Variants in HDAC8 observed in about 807,000 individuals in gnomAD.
HDAC8 encodes histone deacetylase 8, also known as histone deacetylase-like 1.
A neutral mutation model predicts 32.2 loss-of-function variants in HDAC8; 1 was observed. The ratio of observed to expected loss-of-function variants is 0.03; its 90% CI spans 0.01 to 0.15. The LOEUF is 0.15. Ranked by LOEUF, HDAC8 falls within the 10% of genes least tolerant of loss-of-function variation. The pLI is 1.00. For synonymous variants in HDAC8, 108 were observed against 113.9 expected (o/e 0.95, Z 0.33); for missense variants, 117 against 300.0 (o/e 0.39, Z 4.51).
At chrX:72,370,399 C>T (rs1167113255) in intron 9 of HDAC8, among the ~76,000 whole-genome samples, 1 of 111,677 alleles carries the variant, frequency 9.0e-6, no homozygotes, top group Non-Finnish European at 1.9e-5. Context: ...TTCATTCTGT[C>T]GCTCAGGCTG....
intron 9 of HDAC8, among the ~76,000 whole-genome samples, chrX:72,384,526 T>G (rs949113959): frequency 9.0e-6 from 1 of 111,340 alleles, no homozygotes; most frequent in Non-Finnish European, 1.9e-5. Context: ...GGTAAGAGGA[T>G]AGACTCTAGA....
intron 9 of HDAC8, among the ~76,000 whole-genome samples, chrX:72,455,623 A>G (rs1310729576): frequency 8.9e-6 from 1 of 112,464 alleles, no homozygotes; most frequent in Non-Finnish European, 1.9e-5. Flanking sequence ...TTTCTTGCCA[A>G]TGATAATATT....
At chrX:72,417,293 A>G (rs1286044532) in intron 9 of HDAC8, among the ~76,000 whole-genome samples, 1 of 111,522 alleles carries the variant, frequency 9.0e-6, no homozygotes, top group Admixed American at 9.6e-5. Flanking sequence ...AGATCAAACT[A>G]TCTCTGTTTG....
chrX:72,572,138 AG>A, intron 1 of HDAC8, 29 bp from the exon 2 acceptor site: 4 of 1,126,217 alleles, frequency 3.6e-6, no homozygotes, highest in African/African-American at 1.8e-5. Context: ...AAAAAAAAAA[AG>A]AAAAGCAGAA....
At chrX:72,360,460 T>C (rs2044516937) in intron 9 of HDAC8, among the ~76,000 whole-genome samples, 1 of 112,612 alleles carries the variant, frequency 8.9e-6, no homozygotes, top group Admixed American at 9.4e-5. Context: ...TACTTTTTCC[T>C]AAAAATTATA....
chrX:72,456,385 A>G (rs782131968), intron 9 of HDAC8, among the ~76,000 whole-genome samples: 5 of 112,244 alleles, frequency 4.5e-5, no homozygotes, highest in Non-Finnish European at 7.5e-5. Flanking sequence ...AGTAAAATAT[A>G]TGACTACAAT....
rs782735490 is a variant in HDAC8, at chrX:72,572,821, A to G, written c.-60T>C. 1.0e-5 allele frequency: 10 copies of G among 975,252 alleles called. No individual in the cohort carries two copies. In the Admixed American group the frequency reaches 2.0e-4, roughly 20 times the overall value. 80.4% of individuals were successfully genotyped at this position (975,252 alleles called of 1,213,427 possible). A position where few individuals can be genotyped will look rare whatever the true frequency, so the allele number is the denominator to read the frequency against. On this transcript the variant is annotated 5_prime_UTR_variant, in exon 1 of 11. Coordinates refer to ENST00000373573, the MANE Select transcript of HDAC8 (RefSeq NM_018486.3). ...GATCTGGCTTTTTTCGGACTCGGCCAGGGTTCCAGTTCCTGCTCCTCTGAT... is the reference window on the plus strand; with the variant it reads ...GATCTGGCTTTTTTCGGACTCGGCCGGGGTTCCAGTTCCTGCTCCTCTGAT...
intron 4 of HDAC8, among the ~76,000 whole-genome samples, chrX:72,542,707 T>C (rs1462440092): frequency 8.9e-6 from 1 of 111,976 alleles, no homozygotes; most frequent in Non-Finnish European, 1.9e-5. Flanking sequence ...TTCAAGGAGC[T>C]GCTGCTGTAG....
At chrX:72,452,719 C>T (rs1485277768) in intron 9 of HDAC8, among the ~76,000 whole-genome samples, 1 of 111,968 alleles carries the variant, frequency 8.9e-6, no homozygotes, top group Non-Finnish European at 1.9e-5. Context: ...GTATAATCCT[C>T]TTGAAATCCA....
intron 4 of HDAC8, among the ~76,000 whole-genome samples, chrX:72,512,892 T>C (rs953018958): frequency 1.3e-4 from 15 of 111,790 alleles, no homozygotes; most frequent in African/African-American, 4.9e-4. Context: ...TGTCCCTGCC[T>C]ACTTCTCAGT....
At chrX:72,453,356 G>A (rs904952101) in intron 9 of HDAC8, among the ~76,000 whole-genome samples, 1 of 108,525 alleles carries the variant, frequency 9.2e-6, no homozygotes, top group Non-Finnish European at 1.9e-5. Flanking sequence ...ACCTGGGAGG[G>A]TGAGGTGGGA....
At chrX:72,434,658 T>A (rs1020409358) in intron 9 of HDAC8, among the ~76,000 whole-genome samples, 5 of 112,135 alleles carry the variant, frequency 4.5e-5, no homozygotes, top group Non-Finnish European at 7.5e-5. Context: ...CACTGGGTAC[T>A]AAACTGTCAG....
chrX:72,469,928 C>T (rs2048119788), intron 7 of HDAC8, among the ~76,000 whole-genome samples: 2 of 110,492 alleles, frequency 1.8e-5, no homozygotes, highest in African/African-American at 6.6e-5. Flanking sequence ...GCGGGCAGAT[C>T]ACTTGAGGTC....
At chrX:72,375,004 A>C (rs1244277562) in intron 9 of HDAC8, among the ~76,000 whole-genome samples, 4 of 110,362 alleles carry the variant, frequency 3.6e-5, no homozygotes, top group African/African-American at 1.3e-4. Flanking sequence ...TTTTTTGTAG[A>C]GACGGGGGTC....
At chrX:72,570,498 A>G (rs1274883726) in intron 2 of HDAC8, among the ~76,000 whole-genome samples, 1 of 109,183 alleles carries the variant, frequency 9.2e-6, no homozygotes, top group Non-Finnish European at 1.9e-5. Flanking sequence ...AGTCCCAGCT[A>G]CTCGGGAGGC....
At chrX:72,457,443 T>C (rs782345069) in intron 9 of HDAC8, among the ~76,000 whole-genome samples, 13 of 112,590 alleles carry the variant, frequency 1.2e-4, no homozygotes, top group Non-Finnish European at 1.5e-4. Flanking sequence ...GATGTTTGCA[T>C]ACATGGATTA....
At chrX:72,375,290 T>C (rs1246104773) in intron 9 of HDAC8, among the ~76,000 whole-genome samples, 6 of 112,413 alleles carry the variant, frequency 5.3e-5, no homozygotes, top group African/African-American at 1.9e-4. Context: ...GATGAATAAA[T>C]CTATCATTTA....
At chrX:72,425,192 C>A (rs1569287709) in intron 9 of HDAC8, among the ~76,000 whole-genome samples, 1 of 112,265 alleles carries the variant, frequency 8.9e-6, no homozygotes, top group African/African-American at 3.2e-5. Context: ...CCAATTTCTC[C>A]ACATCCTTGA....
chrX:72,549,492 G>A (rs1224358148), intron 4 of HDAC8, among the ~76,000 whole-genome samples: 6 of 111,653 alleles, frequency 5.4e-5, no homozygotes, highest in African/African-American at 2.0e-4. Flanking sequence ...CTGGGAGCTT[G>A]TTAGAAATGC....
Sources: gnomAD v4.1 joint callset for allele counts (sites outside exome capture counted in the v4.1 genomes callset) on GRCh38, gnomAD v4.1.1 for gene constraint, MANE v1.5 for transcripts, NCBI Gene and HGNC (gene_info 2026-07-23, HGNC 2026-07-21) for gene names.